Variants in ADGRL3 observed in about 807,000 individuals in gnomAD.
The protein encoded by ADGRL3 is calcium-independent alpha-latrotoxin receptor 3.
Under a neutral mutation model 153.5 loss-of-function variants are expected in ADGRL3, and 62 were observed. The observed-to-expected ratio is 0.40, with a 90% CI of 0.33 to 0.50. The LOEUF (loss-of-function observed/expected upper bound fraction) is 0.50, where lower values mean the gene tolerates loss of function less well. Among genes scored for constraint, ADGRL3 ranks in the 20% least tolerant of loss-of-function variants. The pLI, the probability that ADGRL3 is intolerant of heterozygous loss-of-function variation, is 0.47. For missense variants in ADGRL3, 1,641 were observed against 1,859.4 expected (o/e 0.88, Z 2.16); for synonymous variants, 710 against 672.5 (o/e 1.06, Z -0.86).
chr4:61,936,209 CCAT>C (rs2150156947), intron 15 of ADGRL3, among the ~76,000 whole-genome samples, 164 bp downstream of exon 15: 1 of 152,150 alleles, frequency 6.6e-6, no homozygotes, highest in East Asian at 1.9e-4. Flanking sequence ...CTGTACAGCA[CCAT>C]CAATATTACA....
At chr4:61,951,581 A>C (rs1435954461) in intron 17 of ADGRL3, among the ~76,000 whole-genome samples, 3 of 152,158 alleles carry the variant, frequency 2.0e-5, no homozygotes, top group Non-Finnish European at 4.4e-5. Context: ...TTTAGATTAG[A>C]CTGGCTGGGC....
rs565351413 is a variant in ADGRL3, at chr4:61,489,753, A to C, written c.-173-7368A>C. 2.0e-5 allele frequency among the ~76,000 whole-genome samples: 3 copies of C among 152,174 alleles called. No individual in the cohort carries two copies. In the South Asian group the frequency reaches 6.2e-4, roughly 32 times the overall value. ...TCTATTGATTCAGGCTCCTCATATC[A>C]AACCAAAGATATTTAAAAAATTGAA... On this transcript the variant is annotated intron_variant, in intron 2 of 26. Coordinates refer to ENST00000683033, the MANE Select transcript of ADGRL3 (RefSeq NM_001387552.1).
chr4:61,203,388 A>T (rs1735727671), intron 1 of ADGRL3, among the ~76,000 whole-genome samples: 1 of 152,144 alleles, frequency 6.6e-6, no homozygotes, highest in Non-Finnish European at 1.5e-5. Context: ...TCTCCTTTAG[A>T]GTCTAACCTG....
chr4:61,273,605 A>G (rs369712192), intron 1 of ADGRL3, among the ~76,000 whole-genome samples: 15 of 152,228 alleles, frequency 9.9e-5, no homozygotes, highest in African/African-American at 3.6e-4. Flanking sequence ...AAAATGTGCC[A>G]TTTTACAAGT....
At chr4:61,974,825 AC>A (rs1229119643) in intron 17 of ADGRL3, among the ~76,000 whole-genome samples, 5 of 152,230 alleles carry the variant, frequency 3.3e-5, no homozygotes, top group African/African-American at 1.2e-4. Context: ...TTATGATGTA[AC>A]AACCTTCTTA....
At chr4:61,508,613 A>G (rs2098445021) in intron 3 of ADGRL3, among the ~76,000 whole-genome samples, 2 of 152,164 alleles carry the variant, frequency 1.3e-5, no homozygotes, top group African/African-American at 2.4e-5. Flanking sequence ...TATTAGATTC[A>G]GGGGGTAAAT....
chr4:61,846,305 A>G (rs1421192486), intron 9 of ADGRL3, among the ~76,000 whole-genome samples: 1 of 151,878 alleles, frequency 6.6e-6, no homozygotes, highest in Non-Finnish European at 1.5e-5. Context: ...CAACACAGTG[A>G]GACCCTGTCT....
At chr4:61,664,777 T>C (rs1409048056) in intron 5 of ADGRL3, among the ~76,000 whole-genome samples, 1 of 152,208 alleles carries the variant, frequency 6.6e-6, no homozygotes, top group African/African-American at 2.4e-5. Flanking sequence ...ACAAATTTTA[T>C]AGTATCTTAA....
At chr4:62,057,472 T>C (rs1737666525) in intron 25 of ADGRL3, among the ~76,000 whole-genome samples, 1 of 152,176 alleles carries the variant, frequency 6.6e-6, no homozygotes, top group Non-Finnish European at 1.5e-5. Context: ...TTTCTTAAAA[T>C]GACTATGATT....
intron 1 of ADGRL3, among the ~76,000 whole-genome samples, chr4:61,303,782 CTAGTACAG>C (rs1002946447): frequency 1.1e-4 from 17 of 152,098 alleles, no homozygotes; most frequent in African/African-American, 4.1e-4. Flanking sequence ...TACAGACTCT[CTAGTACAG>C]TTTGATTACT....
At chr4:61,971,263 C>T (rs974492528) in intron 17 of ADGRL3, among the ~76,000 whole-genome samples, 3 of 151,668 alleles carry the variant, frequency 2.0e-5, no homozygotes, top group Admixed American at 6.6e-5. Flanking sequence ...CCCATTAACT[C>T]GTCATTTAGC....
At chr4:61,208,686 G>C (rs757905784) in intron 1 of ADGRL3, among the ~76,000 whole-genome samples, 1 of 152,104 alleles carries the variant, frequency 6.6e-6, no homozygotes, top group Non-Finnish European at 1.5e-5. Context: ...TTGTTAGCTT[G>C]AGCTAAGTTT....
chr4:62,044,414 T>C lies in ADGRL3; in HGVS notation c.3718-39T>C, dbSNP rs376853174. ...ATGATTTGTGTGAAAATTCACTGCATCATGAGTTCATTTTCTTTCTGCCTT... is the reference window on the plus strand; with the variant it reads ...ATGATTTGTGTGAAAATTCACTGCACCATGAGTTCATTTTCTTTCTGCCTT... On this transcript the variant is annotated intron_variant, in intron 24 of 26. Coordinates refer to ENST00000683033, the MANE Select transcript of ADGRL3 (RefSeq NM_001387552.1). 9 of 1,264,886 alleles carry C rather than the reference T, an allele frequency of 7.1e-6. No individual in the cohort carries two copies. In the African/African-American group the frequency reaches 8.9e-5, roughly 12 times the overall value. The allele number at this position is 1,264,886 out of a possible 1,614,324, so 78.4% of individuals were successfully genotyped here. A position where few individuals can be genotyped will look rare whatever the true frequency, so the allele number is the denominator to read the frequency against.
intron 6 of ADGRL3, among the ~76,000 whole-genome samples, chr4:61,692,973 T>A (rs893436682): frequency 6.6e-6 from 1 of 152,160 alleles, no homozygotes; most frequent in African/African-American, 2.4e-5. Flanking sequence ...GCTCTTCATG[T>A]TCCTAAACAA....
chr4:61,716,685 T>G (rs928475397), intron 6 of ADGRL3, among the ~76,000 whole-genome samples: 2 of 152,118 alleles, frequency 1.3e-5, no homozygotes, highest in Non-Finnish European at 2.9e-5. Flanking sequence ...TTCAAATAGA[T>G]AATATATAGT....
chr4:62,000,068 C>T (rs1051563283), intron 21 of ADGRL3, among the ~76,000 whole-genome samples: 2 of 151,730 alleles, frequency 1.3e-5, no homozygotes, highest in South Asian at 2.1e-4. Context: ...CTTTTACCCA[C>T]GTTAGCACAA....
chr4:61,750,516 G>T (rs111969708), intron 8 of ADGRL3, among the ~76,000 whole-genome samples: 13,171 of 152,140 alleles, frequency 0.087, 1,203 homozygotes, highest in African/African-American at 0.23. Flanking sequence ...AGTCGGCCGG[G>T]CGCGGTGGCT....
In ADGRL3 at chr4:61,211,455, C is replaced by G. The variant is rs760818634; in HGVS notation, c.-240+9690C>G. 2.0e-5 allele frequency among the ~76,000 whole-genome samples: 3 copies of G among 151,930 alleles called. No individual in the cohort carries two copies. In the South Asian group the frequency reaches 6.2e-4, roughly 32 times the overall value. On this transcript the variant is annotated intron_variant, in intron 1 of 26. Transcript: ENST00000683033. ...AAGAATATTGCAGTTCCTCTGTGGA[C>G]GAATGGATAGTTAGCTTGAAGAAGA...
At chr4:62,034,185 T>C (rs1161422363) in intron 23 of ADGRL3, among the ~76,000 whole-genome samples, 1 of 151,840 alleles carries the variant, frequency 6.6e-6, no homozygotes, top group African/African-American at 2.4e-5. Flanking sequence ...CTGTGGCTCA[T>C]GAGCCAAATT....
Sources: gnomAD v4.1 joint callset for allele counts (sites outside exome capture counted in the v4.1 genomes callset) on GRCh38, gnomAD v4.1.1 for gene constraint, MANE v1.5 for transcripts, NCBI Gene and HGNC (gene_info 2026-07-23, HGNC 2026-07-21) for gene names.